The following IRAK1BP1 variants were observed in gnomAD, a reference collection of about 807,000 sequenced individuals.
IRAK1BP1 encodes the protein interleukin 1 receptor associated kinase 1 binding protein 1.
A neutral mutation model predicts 28.0 loss-of-function variants in IRAK1BP1; 24 were observed. That is an observed-to-expected ratio of 0.86 (90% CI 0.62 to 1.20). IRAK1BP1 has a LOEUF of 1.20. IRAK1BP1 is among the 50% of genes most tolerant of loss of function. The pLI, the probability that IRAK1BP1 is intolerant of heterozygous loss-of-function variation, is 0.00. For synonymous variants in IRAK1BP1, 131 were observed against 116.3 expected (o/e 1.13, Z -0.81); for missense variants, 336 against 316.7 (o/e 1.06, Z -0.46).
chr6:78,963,285 T>C, the IRAK1BP1 span: 1 of 1,552,118 alleles, frequency 6.4e-7, no homozygotes, highest in Non-Finnish European at 8.7e-7. Flanking sequence ...TGCAAATACA[T>C]GGTAACTTAT....
At chr6:78,925,327 A>G (rs1562100470) in intron 4 of IRAK1BP1, among the ~76,000 whole-genome samples, 1 of 152,196 alleles carries the variant, frequency 6.6e-6, no homozygotes. Flanking sequence ...TAATTAGAAA[A>G]AAATCCACAA....
chr6:78,946,019 C>A, exon 5 of IRAK1BP1: 1 of 1,607,334 alleles, frequency 6.2e-7, no homozygotes, highest in South Asian at 1.1e-5. Context: ...CCTGGTATTG[C>A]AGATGCATTA....
At chr6:78,978,818 C>A in the IRAK1BP1 span, 1 of 868,466 alleles carries the variant, frequency 1.2e-6, no homozygotes, top group East Asian at 2.7e-5. Context: ...AGGGGAAGGG[C>A]ACCATTGTAC....
chr6:78,884,419 C>T (rs1241677269), intron 1 of IRAK1BP1, among the ~76,000 whole-genome samples: 3 of 152,126 alleles, frequency 2.0e-5, no homozygotes, highest in Admixed American at 6.5e-5. Flanking sequence ...TTTAAAAACC[C>T]TTTTGGAAAG....
intron 4 of IRAK1BP1, among the ~76,000 whole-genome samples, chr6:78,924,446 G>A (rs1772831018): frequency 6.6e-6 from 1 of 152,112 alleles, no homozygotes; most frequent in African/African-American, 2.4e-5. Flanking sequence ...AACAAAAAAA[G>A]CCCAGGACCA....
the IRAK1BP1 span, chr6:78,971,009 A>G: frequency 2.9e-5 from 19 of 649,310 alleles, no homozygotes; most frequent in Non-Finnish European, 4.7e-5. Flanking sequence ...AAATTCTAAT[A>G]TTTTCTCCCT....
intron 2 of IRAK1BP1, among the ~76,000 whole-genome samples, chr6:78,895,909 A>G (rs146390950): frequency 4.5e-4 from 69 of 152,350 alleles, no homozygotes; most frequent in Middle Eastern, 3.4e-3. Flanking sequence ...GAAAGGAAGA[A>G]GTGCAACTAT....
chr6:78,905,999 G>T (rs577880427), downstream of IRAK1BP1, among the ~76,000 whole-genome samples: 2 of 152,246 alleles, frequency 1.3e-5, no homozygotes, highest in East Asian at 3.9e-4. Context: ...AAAATCTAAA[G>T]AATGTTTTAA....
At chr6:78,978,634 G>A in the IRAK1BP1 span, 39 of 1,593,390 alleles carry the variant, frequency 2.4e-5, no homozygotes, top group Non-Finnish European at 3.1e-5. Flanking sequence ...TTCGGGGAAT[G>A]GTATCTGTAA....
Position 78,898,893 on chromosome 6 carries a change from T to A in IRAK1BP1, c.*559T>A, listed in dbSNP as rs761056251. 1 of 152,142 alleles carries A rather than the reference T, an allele frequency of 6.6e-6. No homozygotes were observed. The highest frequency in any genetic ancestry group is 1.5e-5 in the Non-Finnish European group (1 of 68,032). 9.4% of individuals were successfully genotyped at this position (152,142 alleles called of 1,614,324 possible). A position where few individuals can be genotyped will look rare whatever the true frequency, so the allele number is the denominator to read the frequency against. On this transcript the variant is annotated 3_prime_UTR_variant, in exon 4 of 4. Coordinates refer to ENST00000369940, the MANE Select transcript of IRAK1BP1 (RefSeq NM_001010844.4). ...GTCAGGTCTGATATTTAATTTTACTTTAGTTAGAAGCTAAGTAGTTACCCT... is the reference window on the plus strand; with the variant it reads ...GTCAGGTCTGATATTTAATTTTACTATAGTTAGAAGCTAAGTAGTTACCCT...
the IRAK1BP1 span, chr6:78,970,749 TG>T: frequency 7.5e-7 from 1 of 1,329,142 alleles, no homozygotes; most frequent in Non-Finnish European, 1.1e-6. Context: ...ATTGTATTTT[TG>T]GGGCTATTAA....
chr6:78,964,048 A>G, the IRAK1BP1 span, among the ~76,000 whole-genome samples: 1 of 152,234 alleles, frequency 6.6e-6, no homozygotes, highest in Non-Finnish European at 1.5e-5. Context: ...CCAAGGCATT[A>G]TAACACCAAC....
chr6:78,964,916 T>A, the IRAK1BP1 span, among the ~76,000 whole-genome samples: 38 of 152,354 alleles, frequency 2.5e-4, no homozygotes, highest in African/African-American at 8.4e-4. Flanking sequence ...TAATCCCTTT[T>A]TGGCTTATGC....
intron 2 of IRAK1BP1, among the ~76,000 whole-genome samples, chr6:78,889,538 C>CT (rs1771555379): frequency 6.8e-6 from 1 of 146,174 alleles, no homozygotes; most frequent in Admixed American, 7.0e-5. Context: ...TGACAAAGGG[C>CT]TAATATGCAG....
chr6:78,908,778 G>A (rs1253791162), intron 4 of IRAK1BP1, among the ~76,000 whole-genome samples: 1 of 152,200 alleles, frequency 6.6e-6, no homozygotes, highest in Non-Finnish European at 1.5e-5. Flanking sequence ...GCCACCCTCA[G>A]CTGACTCTTC....
At chr6:78,920,955 A>G (rs777856911) in intron 4 of IRAK1BP1, among the ~76,000 whole-genome samples, 2 of 152,206 alleles carry the variant, frequency 1.3e-5, no homozygotes, top group Non-Finnish European at 2.9e-5. Flanking sequence ...TGAAGCCAAG[A>G]TAGCCAAATA....
In IRAK1BP1 at chr6:78,901,749, T is replaced by C. The variant is rs1057476377; in HGVS notation, c.*3415T>C. 3.9e-5 allele frequency: 6 copies of C among 152,202 alleles called. No individual in the cohort carries two copies. The highest frequency in any genetic ancestry group is 1.2e-4 in the African/African-American group (5 of 41,456). 9.4% of individuals were successfully genotyped at this position (152,202 alleles called of 1,614,324 possible). ...ATTACATACTAAAAATTACATTTTT[T>C]ATAGTGGCAATGTACTTTTATCAGT... On this transcript the variant is annotated 3_prime_UTR_variant, in exon 4 of 4. Coordinates refer to ENST00000369940, the MANE Select transcript of IRAK1BP1 (RefSeq NM_001010844.4).
exon 5 of IRAK1BP1, chr6:78,945,444 C>T: frequency 1.2e-6 from 2 of 1,611,342 alleles, no homozygotes; most frequent in East Asian, 2.2e-5. Context: ...CTGGATTGAC[C>T]AGGACTGGAA....
the IRAK1BP1 span, among the ~76,000 whole-genome samples, chr6:78,973,056 A>C: frequency 6.6e-6 from 1 of 152,084 alleles, no homozygotes; most frequent in Non-Finnish European, 1.5e-5. Context: ...GAGAAGAGCA[A>C]CTCCAAGACA....
Sources: allele counts gnomAD v4.1 joint callset (sites outside exome capture counted in the v4.1 genomes callset), GRCh38; gene constraint gnomAD v4.1.1; transcripts MANE v1.5; gene names NCBI Gene and HGNC (gene_info 2026-07-23, HGNC 2026-07-21).